Variants in LMAN1L observed in about 807,000 individuals in gnomAD.
The protein encoded by LMAN1L is lectin, mannose binding 1 like.
Under a neutral mutation model 58.3 loss-of-function variants are expected in LMAN1L, and 60 were observed. The observed-to-expected ratio is 1.03, with a 90% CI of 0.84 to 1.27. The LOEUF is 1.27. Among genes scored for constraint, LMAN1L ranks in the 50% most tolerant of loss-of-function variants. The pLI, the probability that LMAN1L is intolerant of heterozygous loss-of-function variation, is 0.00. For synonymous variants in LMAN1L, 280 were observed against 271.6 expected (o/e 1.03, Z -0.31); for missense variants, 629 against 674.0 (o/e 0.93, Z 0.74).
chr15:74,818,471 A>T (rs931936595), intron 4 of LMAN1L, among the ~76,000 whole-genome samples: 1 of 152,156 alleles, frequency 6.6e-6, no homozygotes, highest in Non-Finnish European at 1.5e-5. Flanking sequence ...AGACAGGTGG[A>T]TCACTTGAGG....
chr15:74,821,671 C>G (rs975461982), intron 9 of LMAN1L, among the ~76,000 whole-genome samples, 158 bp from the exon 10 acceptor site: 1 of 152,200 alleles, frequency 6.6e-6, no homozygotes, highest in African/African-American at 2.4e-5. Context: ...GTGTTAGATA[C>G]TGGGCAGAGG....
chr15:74,820,738 CAA>C lies in LMAN1L; in HGVS notation c.881_882del (p.Lys294IlefsTer4), dbSNP rs774468014. The C allele has an allele frequency of 1.9e-6, 3 of 1,613,432 alleles. No individual in the cohort carries two copies. The highest frequency in any genetic ancestry group is 2.5e-6 in the Non-Finnish European group (3 of 1,179,872). The stretch of plus-strand genomic sequence containing the variant: ...TTGGGCACCAGGGAGGATGTAACTC[CAA>C]AATCAGACTCTGAAGCTCAAGGAGA... On this transcript the variant is annotated frameshift_variant, in exon 8 of 14. Coordinates refer to ENST00000309664, the MANE Select transcript of LMAN1L (RefSeq NM_021819.3). LOFTEE classifies it high-confidence loss of function.
Position 74,825,676 on chromosome 15 carries a change from T to C in LMAN1L, c.*71T>C, listed in dbSNP as rs537703749. 127 of 1,519,402 alleles carry C rather than the reference T, an allele frequency of 8.4e-5. No homozygotes were observed. The African/African-American group carries it at 1.5e-3, about 18-fold the overall frequency. 94.1% of individuals were successfully genotyped at this position (1,519,402 alleles called of 1,614,324 possible). ...TTGGGTGGGGGCTTGGTCAGTATCC[T>C]CTCCGTCTGGGTGCCCAGCTCCCAC... On this transcript the variant is annotated 3_prime_UTR_variant, in exon 14 of 14. Coordinates refer to ENST00000309664, the MANE Select transcript of LMAN1L (RefSeq NM_021819.3).
intron 10 of LMAN1L, 105 bp downstream of exon 10, chr15:74,822,005 G>C (rs568963719): frequency 1.6e-4 from 119 of 763,268 alleles, no homozygotes; most frequent in Non-Finnish European, 2.4e-4. Context: ...GCTTCCTTCA[G>C]GGGACAGAAC....
chr15:74,825,403 A>G, intron 13 of LMAN1L, 73 bp from the exon 14 acceptor site: 1 of 1,517,644 alleles, frequency 6.6e-7, no homozygotes, highest in Non-Finnish European at 9.0e-7. Context: ...CAAGGCAAGC[A>G]TGAGAGTCCT....
chr15:74,822,452 G>A (rs1163990050), intron 10 of LMAN1L, among the ~76,000 whole-genome samples, 190 bp from the exon 11 acceptor site: 2 of 152,204 alleles, frequency 1.3e-5, no homozygotes, highest in South Asian at 2.1e-4. Context: ...GGGGAGAGGG[G>A]CGTGAGTGGA....
chr15:74,823,258 G>A (rs1252441298), intron 11 of LMAN1L, among the ~76,000 whole-genome samples: 1 of 152,182 alleles, frequency 6.6e-6, no homozygotes, highest in African/African-American at 2.4e-5. Context: ...GTTGGGGGTG[G>A]AGAGGCACCT....
chr15:74,825,728 C>CAA lies in LMAN1L; in HGVS notation c.*124_*125insAA. The CAA allele has an allele frequency of 1.1e-6, 1 of 932,104 alleles. No individual in the cohort carries two copies. The highest frequency in any genetic ancestry group is 2.5e-5 in the East Asian group (1 of 39,476). 57.7% of individuals were successfully genotyped at this position (932,104 alleles called of 1,614,324 possible). A position where few individuals can be genotyped will look rare whatever the true frequency, so the allele number is the denominator to read the frequency against. On this transcript the variant is annotated 3_prime_UTR_variant, in exon 14 of 14. Transcript: ENST00000309664. Reference sequence around the variant, plus strand: ...CACACCTGAGCTTTCGGCATGCTCCCACCTCGTTAAAGGTGATTTCCCTCT... The same window carrying CAA: ...CACACCTGAGCTTTCGGCATGCTCCCAAACCTCGTTAAAGGTGATTTCCCTCT...
In LMAN1L at chr15:74,819,175, T is replaced by C; in HGVS notation, c.621T>C (p.Thr207=). ...RLRMSLNSGL[T]PSDPGEFCVD... is the part of the protein sequence containing the mutation. Reference sequence around the variant, plus strand: ...AGATGTCCTTGAACAGTGGCCTCACTCCCAGTGATCCAGGTGAGTTCTGTG... The same window carrying C: ...AGATGTCCTTGAACAGTGGCCTCACCCCCAGTGATCCAGGTGAGTTCTGTG... Residue 207 remains threonine, a synonymous_variant, in exon 6 of 14, where the codon ACT becomes ACC. Coordinates refer to ENST00000309664, the MANE Select transcript of LMAN1L (RefSeq NM_021819.3). 1 of 1,613,654 alleles carries C rather than the reference T, an allele frequency of 6.2e-7. No homozygotes were observed. The highest frequency in any genetic ancestry group is 8.5e-7 in the Non-Finnish European group (1 of 1,179,744).
intron 13 of LMAN1L, chr15:74,824,798 T>A (rs2063933827): frequency 4.0e-6 from 1 of 250,412 alleles, no homozygotes; most frequent in South Asian, 1.2e-4. Flanking sequence ...CCCCCCTTGG[T>A]TAGGGAATCA....
chr15:74,819,909 C>T, intron 6 of LMAN1L, 135 bp from the exon 7 acceptor site: 1 of 803,410 alleles, frequency 1.2e-6, no homozygotes, highest in South Asian at 1.4e-5. Context: ...AGGAAGTAAG[C>T]AAGACAAGCA....
intron 4 of LMAN1L, among the ~76,000 whole-genome samples, chr15:74,817,499 A>G (rs1387667992): frequency 6.6e-6 from 1 of 152,206 alleles, no homozygotes; most frequent in East Asian, 1.9e-4. Flanking sequence ...CTCTGCTGTG[A>G]GTAGCCTGAG....
intron 5 of LMAN1L, 71 bp downstream of exon 5, chr15:74,818,888 C>A: frequency 7.4e-7 from 1 of 1,359,528 alleles, no homozygotes; most frequent in Non-Finnish European, 1.0e-6. Flanking sequence ...CCCACGGCCC[C>A]AACACACCAG....
rs1172376259 is a variant in LMAN1L at position 74,820,177 on chromosome 15, T to C, written c.774+78T>C. ...ACCCATGTCATGGTGCCCTCAGACC[T>C]GCCATTCCAGCCCTTACCTCCACCT... On this transcript the variant is annotated intron_variant, in intron 7 of 13. Coordinates refer to ENST00000309664, the MANE Select transcript of LMAN1L (RefSeq NM_021819.3). The C allele has an allele frequency of 2.0e-5, 26 of 1,286,064 alleles. No individual in the cohort carries two copies. The East Asian group carries it at 3.9e-4, about 19-fold the overall frequency. 79.7% of individuals were successfully genotyped at this position (1,286,064 alleles called of 1,614,324 possible).
chr15:74,820,869 G>C (rs2063913427), intron 8 of LMAN1L, 102 bp downstream of exon 8: 1 of 1,477,870 alleles, frequency 6.8e-7, no homozygotes, highest in Non-Finnish European at 9.1e-7. Context: ...ACTGAGGCCT[G>C]AGGAGGCCAC....
In LMAN1L at chr15:74,822,640, A is replaced by T; in HGVS notation, c.1132-2A>T. On this transcript the variant is annotated splice_acceptor_variant, in intron 10 of 13. Coordinates refer to ENST00000309664, the MANE Select transcript of LMAN1L (RefSeq NM_021819.3). LOFTEE classifies it high-confidence loss of function. ...CCTAGACAAGAGGCTGCCCCTCTGCAGGACTCTGCCAAGGTCGGTGCCCTG... is the reference window on the plus strand; with the variant it reads ...CCTAGACAAGAGGCTGCCCCTCTGCTGGACTCTGCCAAGGTCGGTGCCCTG... 1 of 1,613,750 alleles carries T rather than the reference A, an allele frequency of 6.2e-7. No individual in the cohort carries two copies. Among genetic ancestry groups the T allele is most frequent in the South Asian group, 1.1e-5 (1 of 91,084 alleles).
At chr15:74,823,422 C>T (rs1315236498) in intron 11 of LMAN1L, 137 bp from the exon 12 acceptor site, 23 of 823,994 alleles carry the variant, frequency 2.8e-5, no homozygotes, top group Non-Finnish European at 4.3e-5. Flanking sequence ...AAAGACCAGC[C>T]CCCAAGAAGG....
chr15:74,813,804 C>T (rs914672082), intron 1 of LMAN1L, among the ~76,000 whole-genome samples: 2 of 152,166 alleles, frequency 1.3e-5, no homozygotes, highest in Non-Finnish European at 2.9e-5. Context: ...AGACAGAAAG[C>T]AGATCGGCTG....
chr15:74,818,982 C>T (rs1052144528), intron 5 of LMAN1L, among the ~76,000 whole-genome samples, 165 bp downstream of exon 5: 8 of 152,264 alleles, frequency 5.3e-5, no homozygotes, highest in Non-Finnish European at 1.2e-4. Context: ...AATCCTAACA[C>T]TCACCCAGAG....
Sources: gnomAD v4.1 joint callset for allele counts (sites outside exome capture counted in the v4.1 genomes callset) on GRCh38, gnomAD v4.1.1 for gene constraint, MANE v1.5 for transcripts, NCBI Gene and HGNC (gene_info 2026-07-23, HGNC 2026-07-21) for gene names.